MCFD2: variants seen among roughly 807,000 people sequenced by gnomAD.
The protein encoded by MCFD2 is multiple coagulation factor deficiency 2, ER cargo receptor complex subunit.
A neutral mutation model predicts 12.8 loss-of-function variants in MCFD2; 11 were observed. The ratio of observed to expected loss-of-function variants is 0.86; its 90% CI spans 0.54 to 1.42. MCFD2 has a LOEUF of 1.42. Ranked by LOEUF, MCFD2 falls within the 40% of genes most tolerant of loss-of-function variation. MCFD2 has a pLI of 0.00. For missense variants in MCFD2, 191 were observed against 178.6 expected (o/e 1.07, Z -0.40); for synonymous variants, 70 against 68.1 (o/e 1.03, Z -0.14).
chr2:46,921,137 A>G (rs2103802713), intron 1 of MCFD2, among the ~76,000 whole-genome samples: 1 of 152,348 alleles, frequency 6.6e-6, no homozygotes, highest in East Asian at 1.9e-4. Flanking sequence ...AACACTATTG[A>G]AAGTGCTTTA....
chr2:46,931,689 CAAT>C (rs1558480371), intron 1 of MCFD2, among the ~76,000 whole-genome samples: 2 of 116,672 alleles, frequency 1.7e-5, no homozygotes, highest in Non-Finnish European at 3.4e-5. Flanking sequence ...CAAAAACAGA[CAAT>C]AATAAATAAA....
Position 46,908,121 on chromosome 2 carries a change from G to A in MCFD2, c.150-152C>T, listed in dbSNP as rs1572610160. 1 of 794,990 alleles carries A rather than the reference G, an allele frequency of 1.3e-6. No individual in the cohort carries two copies. The highest frequency in any genetic ancestry group is 2.1e-6 in the Non-Finnish European group (1 of 473,186). The allele number at this position is 794,990 out of a possible 1,614,324, so 49.2% of individuals were successfully genotyped here. A position where few individuals can be genotyped will look rare whatever the true frequency, so the allele number is the denominator to read the frequency against. On this transcript the variant is annotated intron_variant, in intron 2 of 3. Coordinates refer to ENST00000319466, the MANE Select transcript of MCFD2 (RefSeq NM_139279.6). The surrounding 1 kb of genome is among the most constrained non-coding windows in gnomAD (Gnocchi z 4.5). Reference sequence around the variant, plus strand: ...AGACCACACTCAAGGATTACACAGAGATAGACAAGGCCTTGAGAGGAGCAG... The same window carrying A: ...AGACCACACTCAAGGATTACACAGAAATAGACAAGGCCTTGAGAGGAGCAG...
rs1668310138 is a variant in MCFD2 at position 46,907,862 on chromosome 2, T to C, written c.257A>G (p.Asn86Ser). 1 of 1,614,194 alleles carries C rather than the reference T, an allele frequency of 6.2e-7. No individual in the cohort carries two copies. Among genetic ancestry groups the C allele is most frequent in the South Asian group, 1.1e-5 (1 of 91,088 alleles). Residue 86 changes from asparagine (N) to serine (S), a missense_variant, in exon 3 of 4, where the codon AAT becomes AGT. By Grantham distance (46) the Asn-to-Ser change is conservative (BLOSUM62 1). Transcript: ENST00000319466. The surrounding 1 kb of genome is among the most constrained non-coding windows in gnomAD (Gnocchi z 4.1). ...GGAGAGTTCTAAGCCATCAAGCAAA[T>C]TATTGCCATCATAATCATGCATTTT... ...YFKMHDYDGN[N>S]LLDGLELSTA...
In MCFD2 at chr2:46,937,281, A is replaced by T. The variant is rs1558484024; in HGVS notation, c.-8+4291T>A. Among the ~76,000 whole-genome samples the T allele has an allele frequency of 6.6e-6, 1 of 151,168 alleles. No homozygotes were observed. Among genetic ancestry groups the T allele is most frequent in the Non-Finnish European group, 1.5e-5 (1 of 67,806 alleles). On this transcript the variant is annotated intron_variant, in intron 1 of 2. Transcript: ENST00000409147. The surrounding 1 kb of genome is among the most constrained non-coding windows in gnomAD (Gnocchi z 4.0). Reference sequence around the variant, plus strand: ...TGAAACCTGCTATTTCTTTTCCCCTACCCTATGCTCCTCCATCTCCCTCTG... The same window carrying T: ...TGAAACCTGCTATTTCTTTTCCCCTTCCCTATGCTCCTCCATCTCCCTCTG...
chr2:46,915,897 C>T (rs539813973), upstream of MCFD2: 588 of 984,600 alleles, frequency 6.0e-4, 3 homozygotes, highest in African/African-American at 8.9e-3. Flanking sequence ...CCGCTGGCGG[C>T]GGCGGGCTGT....
At chr2:46,922,426 C>T (rs749361026) in intron 1 of MCFD2, among the ~76,000 whole-genome samples, 3 of 152,136 alleles carry the variant, frequency 2.0e-5, no homozygotes, top group African/African-American at 7.2e-5. Context: ...GCCTGCTATA[C>T]ATTTTTAGTT....
At chr2:46,909,215 T>TCAGAG (rs756693298) in intron 1 of MCFD2, 38 bp from the exon 2 acceptor site, 1 of 1,597,338 alleles carries the variant, frequency 6.3e-7, no homozygotes, top group African/African-American at 1.3e-5. Context: ...AGGCAGAGCA[T>TCAGAG]CAGAGCAAAG....
chr2:46,941,336 G>C lies in MCFD2; in HGVS notation c.-8+236C>G, dbSNP rs1203053910. 5 of 252,350 alleles carry C rather than the reference G, an allele frequency of 2.0e-5. No individual in the cohort carries two copies. The highest frequency in any genetic ancestry group is 3.4e-5 in the Non-Finnish European group (5 of 147,802). The allele number at this position is 252,350 out of a possible 1,614,324, so 15.6% of individuals were successfully genotyped here. A position where few individuals can be genotyped will look rare whatever the true frequency, so the allele number is the denominator to read the frequency against. On this transcript the variant is annotated intron_variant, in intron 1 of 2. Transcript: ENST00000409147. This position sits in a 1 kb window ranked among gnomAD's most constrained non-coding sequence, Gnocchi z 4.2. The stretch of plus-strand genomic sequence containing the variant: ...GCTCGGCCGGAGCCGCAGCCCGGAG[G>C]CGCCGGGCGGTGCGCTGGGAGCTGC...
Position 46,907,280 on chromosome 2 carries a change from C to T in MCFD2, c.309+530G>A, listed in dbSNP as rs1668283034. 1.1e-5 allele frequency: 2 copies of T among 176,722 alleles called. No homozygotes were observed. Among genetic ancestry groups the T allele is most frequent in the Non-Finnish European group, 2.4e-5 (2 of 82,668 alleles). 10.9% of individuals were successfully genotyped at this position (176,722 alleles called of 1,614,324 possible). On this transcript the variant is annotated intron_variant, in intron 3 of 3. Transcript: ENST00000319466. The surrounding 1 kb of genome is among the most constrained non-coding windows in gnomAD (Gnocchi z 4.1). ...AGCACTTAAAGATACAAATGCCCAGCCCTGGGACTTCTGCCTCAGCAAGTT... is the reference window on the plus strand; with the variant it reads ...AGCACTTAAAGATACAAATGCCCAGTCCTGGGACTTCTGCCTCAGCAAGTT...
intron 1 of MCFD2, among the ~76,000 whole-genome samples, chr2:46,934,784 G>GCT (rs1199838704): frequency 0.019 from 1,574 of 81,866 alleles, 242 homozygotes; most frequent in East Asian, 0.037. Flanking sequence ...GAAGACTACT[G>GCT]CTCTTTTTTT....
At chr2:46,915,930 C>A (rs1413498979), upstream of MCFD2, 3 of 985,186 alleles carry the variant, frequency 3.0e-6, no homozygotes, top group East Asian at 1.1e-4. Context: ...CGTGAGTCCA[C>A]GTGTAATCGG....
At chr2:46,917,512 A>G (rs1668873623), upstream of MCFD2, among the ~76,000 whole-genome samples, 1 of 152,190 alleles carries the variant, frequency 6.6e-6, no homozygotes, top group African/African-American at 2.4e-5. Flanking sequence ...CTCTACTAGG[A>G]GCTACTAGAG....
Position 46,908,068 on chromosome 2 carries a change from G to A in MCFD2, c.150-99C>T, listed in dbSNP as rs1048283307. 1.5e-6 allele frequency: 2 copies of A among 1,377,826 alleles called. No individual in the cohort carries two copies. Among genetic ancestry groups the A allele is most frequent in the South Asian group, 2.4e-5 (2 of 83,156 alleles). 85.4% of individuals were successfully genotyped at this position (1,377,826 alleles called of 1,614,324 possible). On this transcript the variant is annotated intron_variant, in intron 2 of 3. Transcript: ENST00000319466. The surrounding 1 kb of genome is among the most constrained non-coding windows in gnomAD (Gnocchi z 4.5). ...AGTTCAAGATCTTAAACTTCCTCCA[G>A]CTCAGAAAAACAAACACCAGCAGTG... is the stretch of plus-strand genomic sequence containing the variant.
At chr2:46,923,045 G>C (rs1209718869) in intron 1 of MCFD2, among the ~76,000 whole-genome samples, 1 of 152,186 alleles carries the variant, frequency 6.6e-6, no homozygotes, top group Admixed American at 6.5e-5. Context: ...CATAGGGTGA[G>C]GTCTGGAAGG....
intron 1 of MCFD2, among the ~76,000 whole-genome samples, chr2:46,929,077 C>T (rs1049476282): frequency 3.3e-5 from 5 of 151,604 alleles, no homozygotes; most frequent in African/African-American, 4.9e-5. Context: ...GTGGGAGAAT[C>T]GCTTGAACCT....
upstream of MCFD2, chr2:46,916,146 C>T (rs1352010208): frequency 1.3e-5 from 13 of 985,556 alleles, no homozygotes; most frequent in Non-Finnish European, 1.4e-5. Flanking sequence ...GCTCCCAACT[C>T]CGCTCACCCC....
intron 1 of MCFD2, among the ~76,000 whole-genome samples, chr2:46,930,744 C>G (rs981634972): frequency 6.6e-6 from 1 of 152,104 alleles, no homozygotes; most frequent in African/African-American, 2.4e-5. Context: ...AGGTGATCCA[C>G]CCGCCTCAGC....
chr2:46,924,927 C>G (rs886796047), intron 1 of MCFD2, among the ~76,000 whole-genome samples: 1 of 152,204 alleles, frequency 6.6e-6, no homozygotes, highest in Non-Finnish European at 1.5e-5. Context: ...CTGCCACAGC[C>G]TTCATTGGAT....
chr2:46,935,687 C>A (rs12990116), intron 1 of MCFD2, among the ~76,000 whole-genome samples: 1 of 152,178 alleles, frequency 6.6e-6, no homozygotes, highest in East Asian at 1.9e-4. Flanking sequence ...ACCCCTGACT[C>A]GGAAACAGGG....
Sources: allele counts gnomAD v4.1 joint callset (sites outside exome capture counted in the v4.1 genomes callset), GRCh38; gene constraint gnomAD v4.1.1; non-coding constraint Gnocchi (gnomAD v3.1); transcripts MANE v1.5; gene names NCBI Gene and HGNC (gene_info 2026-07-23, HGNC 2026-07-21).